Variants in PKHD1L1 observed in about 807,000 individuals in gnomAD.
PKHD1L1 encodes the protein PKHD1 like 1.
A neutral mutation model predicts 462.9 loss-of-function variants in PKHD1L1; 434 were observed. The observed-to-expected ratio is 0.94, with a 90% CI of 0.87 to 1.02. The LOEUF (loss-of-function observed/expected upper bound fraction) is 1.02, where lower values mean the gene tolerates loss of function less well. Among genes scored for constraint, PKHD1L1 ranks in the 50% least tolerant of loss-of-function variants. PKHD1L1 has a pLI of 0.00. For missense variants in PKHD1L1, 5,202 were observed against 5,096.1 expected, an observed-to-expected ratio of 1.02 and a Z score of -0.63; for synonymous variants, 1,781 against 1,750.0, an observed-to-expected ratio of 1.02 and a Z score of -0.44.
At chr8:109,427,241 G>T (rs895633916) in intron 25 of PKHD1L1, 85 bp downstream of exon 25, 19 of 1,003,196 alleles carry the variant, frequency 1.9e-5, no homozygotes, top group Non-Finnish European at 2.1e-5. Flanking sequence ...AGAACTGGAG[G>T]CTATGTTTAT....
chr8:109,483,939 G>A (rs2607633), intron 57 of PKHD1L1, among the ~76,000 whole-genome samples: 2 of 151,342 alleles, frequency 1.3e-5, no homozygotes, highest in Admixed American at 6.6e-5. Flanking sequence ...AGAGTCCACA[G>A]GTTTTACAAA....
At chr8:109,363,574 T>C (rs537177790) in intron 1 of PKHD1L1, among the ~76,000 whole-genome samples, 1 of 152,284 alleles carries the variant, frequency 6.6e-6, no homozygotes, top group South Asian at 2.1e-4. Flanking sequence ...CTGTGAAAAT[T>C]TCTTTTAGGA....
intron 8 of PKHD1L1, among the ~76,000 whole-genome samples, chr8:109,390,185 T>C (rs1812646445): frequency 6.6e-6 from 1 of 152,162 alleles, no homozygotes; most frequent in Non-Finnish European, 1.5e-5. Context: ...TGGTTACATA[T>C]CTGTTCTTTT....
rs61339965 is a variant in PKHD1L1, at chr8:109,491,581, T to C, written c.10115-292T>C. ...TATGAAGTATAATAAACATATTTAA[T>C]GTATATGAAAGCTGTGGGTGTGTTT... On this transcript the variant is annotated intron_variant, in intron 61 of 77. Transcript: ENST00000378402. Among the ~76,000 whole-genome samples, 48 of 152,016 alleles carry C rather than the reference T, an allele frequency of 3.2e-4. No individual in the cohort carries two copies. In the East Asian group the frequency reaches 8.3e-3, roughly 26 times the overall value.
intron 33 of PKHD1L1, 50 bp from the exon 34 acceptor site, chr8:109,441,225 T>G: frequency 8.0e-7 from 1 of 1,252,730 alleles, no homozygotes. Flanking sequence ...CAAAAAAAAA[T>G]TTGACAAAAT....
intron 2 of PKHD1L1, among the ~76,000 whole-genome samples, chr8:109,370,793 A>G (rs1268405369): frequency 3.9e-5 from 6 of 152,186 alleles, no homozygotes; most frequent in African/African-American, 1.2e-4. Flanking sequence ...CTTGCTGAGA[A>G]TGATGGTTTC....
At chr8:109,371,911 G>A (rs918288281) in intron 2 of PKHD1L1, among the ~76,000 whole-genome samples, 1 of 152,084 alleles carries the variant, frequency 6.6e-6, no homozygotes, top group Non-Finnish European at 1.5e-5. Context: ...CTGTAGCCTT[G>A]TAGTATAGTT....
rs548773772 is a variant in PKHD1L1, at chr8:109,389,271, T to G, written c.697+119T>G. On this transcript the variant is annotated intron_variant, in intron 8 of 77. Coordinates refer to ENST00000378402, the MANE Select transcript of PKHD1L1 (RefSeq NM_177531.6). ...TGGATCAGGTGTTTTTGTTTGTTTG[T>G]TTTTTGTATTTTCTCTTTTCCTTGG... 5.1e-5 allele frequency: 35 copies of G among 688,406 alleles called. No homozygotes were observed. The South Asian group carries it at 8.6e-4, about 17-fold the overall frequency. 42.6% of individuals were successfully genotyped at this position (688,406 alleles called of 1,614,324 possible).
chr8:109,381,226 T>C (rs972008943), intron 2 of PKHD1L1, 144 bp from the exon 3 acceptor site: 5 of 733,390 alleles, frequency 6.8e-6, no homozygotes, highest in African/African-American at 5.4e-5. Flanking sequence ...AAGATTACAA[T>C]CATAAGGATA....
rs755097573 is a variant in PKHD1L1, at chr8:109,480,052, T to C, written c.9240T>C (p.Val3080=). 13 of 1,594,082 alleles carry C rather than the reference T, an allele frequency of 8.2e-6. No individual in the cohort carries two copies. Among genetic ancestry groups the C allele is most frequent in the African/African-American group, 2.7e-5 (2 of 74,062 alleles). The part of the protein sequence containing the change: ...PSMERLIIWG[V]LELEDKYNVG... ...TGGAAAGACTCATTATTTGGGGGGT[T>C]CTAGAACTGGAAGATAAATACAATG... The change falls in exon 55 of 78, where the codon GTT becomes GTC. Residue 3080 remains valine (V), a synonymous_variant. Coordinates refer to ENST00000378402, the MANE Select transcript of PKHD1L1 (RefSeq NM_177531.6).
chr8:109,435,869 G>A (rs934971351), intron 29 of PKHD1L1, among the ~76,000 whole-genome samples: 5 of 151,792 alleles, frequency 3.3e-5, no homozygotes, highest in African/African-American at 1.2e-4. Flanking sequence ...TGATCCTTTT[G>A]GTATGCTTTT....
At chr8:109,474,181 G>T (rs1180299293) in intron 50 of PKHD1L1, among the ~76,000 whole-genome samples, 1 of 151,958 alleles carries the variant, frequency 6.6e-6, no homozygotes, top group Non-Finnish European at 1.5e-5. Flanking sequence ...TCATGGCTTT[G>T]GAATTTTGTT....
Position 109,420,630 on chromosome 8 carries a change from T to C in PKHD1L1, c.2637T>C (p.Val879=). Residue 879 remains valine (V), a synonymous_variant, in exon 23 of 78, where the codon GTT becomes GTC. Coordinates refer to ENST00000378402, the MANE Select transcript of PKHD1L1 (RefSeq NM_177531.6). ...NGPTMTNQYS[V]TMTSYNCSYN... ...CAACTATGACAAACCAATATTCTGT[T>C]ACCATGACTTCATACAATTGCAGTT... 6.2e-7 allele frequency: 1 copy of C among 1,608,300 alleles called. No individual in the cohort carries two copies. Among genetic ancestry groups the C allele is most frequent in the East Asian group, 2.3e-5 (1 of 44,278 alleles).
chr8:109,404,877 GTTAC>G (rs1648901812), intron 15 of PKHD1L1, 114 bp from the exon 16 acceptor site: 1 of 1,095,968 alleles, frequency 9.1e-7, no homozygotes. Context: ...CAAAAAGGCT[GTTAC>G]TTGTCATTTG....
At chr8:109,490,476 A>G (rs1818771773) in intron 60 of PKHD1L1, among the ~76,000 whole-genome samples, 1 of 151,888 alleles carries the variant, frequency 6.6e-6, no homozygotes, top group Admixed American at 6.6e-5. Context: ...TGATTTAAGA[A>G]AAATGAGAGA....
chr8:109,398,374 A>G, intron 11 of PKHD1L1, 85 bp from the exon 12 acceptor site: 1 of 851,856 alleles, frequency 1.2e-6, no homozygotes, highest in South Asian at 1.5e-5. Context: ...CTTTGTTTTA[A>G]TTGCAAAAGT....
At chr8:109,496,875 A>G in intron 63 of PKHD1L1, 44 bp from the exon 64 acceptor site, 2 of 1,547,660 alleles carry the variant, frequency 1.3e-6, no homozygotes, top group Non-Finnish European at 1.8e-6. Flanking sequence ...ACTATATGAC[A>G]TGAAATGTAG....
intron 46 of PKHD1L1, 27 bp from the exon 47 acceptor site, chr8:109,459,568 A>T (rs1478660994): frequency 1.5e-5 from 5 of 332,968 alleles, no homozygotes; most frequent in Non-Finnish European, 1.6e-5. Context: ...TATTAATTTT[A>T]AAATTTTTTT....
chr8:109,500,582 G>A (rs1819355283), intron 67 of PKHD1L1, among the ~76,000 whole-genome samples: 1 of 146,780 alleles, frequency 6.8e-6, no homozygotes, highest in East Asian at 2.0e-4. Flanking sequence ...GCTGAGGCAG[G>A]AGAATTGCTT....
Sources: allele counts gnomAD v4.1 joint callset (sites outside exome capture counted in the v4.1 genomes callset), GRCh38; gene constraint gnomAD v4.1.1; transcripts MANE v1.5; gene names NCBI Gene and HGNC (gene_info 2026-07-23, HGNC 2026-07-21).